HNF1B: variants seen among roughly 807,000 people sequenced by gnomAD.
The protein encoded by HNF1B is HNF1 homeobox B.
HNF1B carries 8 observed loss-of-function variants against 61.7 expected under a neutral mutation model. The observed-to-expected ratio is 0.13, with a 90% CI of 0.08 to 0.23. The LOEUF (loss-of-function observed/expected upper bound fraction) is 0.23, where lower values mean the gene tolerates loss of function less well. HNF1B is among the 10% of genes least tolerant of loss of function. HNF1B has a pLI of 1.00. For synonymous variants in HNF1B, 314 were observed against 287.7 expected, an observed-to-expected ratio of 1.09 and a Z score of -0.93; for missense variants, 562 against 714.5, an observed-to-expected ratio of 0.79 and a Z score of 2.43.
intron 4 of HNF1B, among the ~76,000 whole-genome samples, chr17:37,727,622 G>A (rs937168194): frequency 2.6e-5 from 4 of 152,164 alleles, no homozygotes; most frequent in Non-Finnish European, 5.9e-5. Flanking sequence ...GTGTTTGTAG[G>A]GCATCTTGTA....
chr17:37,702,473 G>A (rs1428977979), intron 6 of HNF1B, among the ~76,000 whole-genome samples: 1 of 152,086 alleles, frequency 6.6e-6, no homozygotes, highest in Non-Finnish European at 1.5e-5. Context: ...GTTCCCCAGG[G>A]GGCTCAGCGT....
At chr17:37,719,091 A>T (rs1646937626) in intron 4 of HNF1B, among the ~76,000 whole-genome samples, 1 of 150,164 alleles carries the variant, frequency 6.7e-6, no homozygotes, top group Non-Finnish European at 1.5e-5. Context: ...GGCACATGCC[A>T]CCATGCCTGG....
chr17:37,741,411 C>T (rs1004695541), intron 1 of HNF1B, among the ~76,000 whole-genome samples: 2 of 151,992 alleles, frequency 1.3e-5, no homozygotes, highest in Non-Finnish European at 2.9e-5. Context: ...CAAGTATTTA[C>T]AAAGGTAATT....
intron 8 of HNF1B, among the ~76,000 whole-genome samples, chr17:37,698,807 C>T (rs557326636): frequency 7.9e-5 from 12 of 152,226 alleles, no homozygotes; most frequent in African/African-American, 2.6e-4. Context: ...AATGCCTAAG[C>T]GCTCTATGTC....
chr17:37,733,065 C>G (rs2033735929), intron 3 of HNF1B, among the ~76,000 whole-genome samples: 1 of 152,174 alleles, frequency 6.6e-6, no homozygotes, highest in South Asian at 2.1e-4. Flanking sequence ...ACTCTCCTGC[C>G]AAGTTTCCTT....
intron 7 of HNF1B, among the ~76,000 whole-genome samples, chr17:37,700,733 C>T (rs984031949): frequency 6.6e-6 from 1 of 152,072 alleles, no homozygotes; most frequent in Non-Finnish European, 1.5e-5. Flanking sequence ...CTCCAATTCC[C>T]CTTCATCTGT....
At position 37,743,261 on chromosome 17, in the gene HNF1B, G is replaced by C. The variant is rs746793815; in HGVS notation, c.344+1280C>G. On this transcript the variant is annotated intron_variant, in intron 1 of 8. Transcript: ENST00000617811. Reference sequence around the variant, plus strand: ...CCCCGGCAGCCCTGGCGCCCCAGCCGCTCCTAGGGGCCACTCTCTCGACCC... The same window carrying C: ...CCCCGGCAGCCCTGGCGCCCCAGCCCCTCCTAGGGGCCACTCTCTCGACCC... Among the ~76,000 whole-genome samples, 35 of 152,288 alleles carry C rather than the reference G, an allele frequency of 2.3e-4. No individual in the cohort carries two copies. The Middle Eastern group carries it at 0.014, about 60-fold the overall frequency.
chr17:37,744,902 A>ATTTT lies in HNF1B; in HGVS notation c.-19_-18insAAAA. On this transcript the variant is annotated 5_prime_UTR_variant, in exon 1 of 9. Coordinates refer to ENST00000617811, the MANE Select transcript of HNF1B (RefSeq NM_000458.4). ...GACACCATTTTCCAAGGACGGAAAA[A>ATTTT]GAAGGGGGTGAGGGGGTGGGTGGGT... The ATTTT allele has an allele frequency of 1.5e-6, 1 of 652,554 alleles. No homozygotes were observed. The allele number at this position is 652,554 out of a possible 1,614,324, so 40.4% of individuals were successfully genotyped here.
intron 1 of HNF1B, among the ~76,000 whole-genome samples, chr17:37,741,561 C>G (rs1243035371): frequency 3.3e-5 from 5 of 152,164 alleles, no homozygotes; most frequent in Non-Finnish European, 7.3e-5. Flanking sequence ...CATCACAGAT[C>G]ATTTAAAAGT....
chr17:37,692,507 C>A (rs564960977), intron 8 of HNF1B, among the ~76,000 whole-genome samples: 2 of 152,314 alleles, frequency 1.3e-5, no homozygotes, highest in Admixed American at 6.5e-5. Flanking sequence ...AACGACCTTG[C>A]AGAATGGGTA....
chr17:37,703,660 A>C (rs2032643570), intron 6 of HNF1B, among the ~76,000 whole-genome samples: 1 of 152,212 alleles, frequency 6.6e-6, no homozygotes, highest in Non-Finnish European at 1.5e-5. Flanking sequence ...CAATACATTT[A>C]AAATGATCAT....
rs377555356 is a variant in HNF1B, at chr17:37,733,708, C to T, written c.658G>A (p.Asp220Asn). The stretch of plus-strand genomic sequence containing the variant: ...TTGGTGGGCTCAGAGCAGGCATCAT[C>T]GGACTGCCCAGGCCCATGGCTCTGT... ...SQQSHGPGQS[D>N]DACSEPTNKK... Residue 220 changes from aspartate to asparagine, a missense_variant, in exon 3 of 9, where the codon GAT becomes AAT. Physicochemically the swap from Asp to Asn is conservative, Grantham distance 23. Around this residue, in one of 6 missense-constraint regions of HNF1B, gnomAD observed 69 missense variants for 81.2 expected, o/e 0.85. Transcript: ENST00000617811. 41 of 1,614,190 alleles carry T rather than the reference C, an allele frequency of 2.5e-5. No individual in the cohort carries two copies. The highest frequency in any genetic ancestry group is 1.2e-4 in the South Asian group (11 of 91,072).
rs140190377 is a variant in HNF1B at position 37,711,551 on chromosome 17, A to G, written c.1046-888T>C. Among the ~76,000 whole-genome samples the G allele has an allele frequency of 8.5e-5, 13 of 152,352 alleles. No individual in the cohort carries two copies. The East Asian group carries it at 2.5e-3, about 29-fold the overall frequency. The stretch of plus-strand genomic sequence containing the variant: ...AAAAGTTCTGGACAGAGATCAGGCA[A>G]CTGAAGGAAGCTAAAAGAACGCCTG... On this transcript the variant is annotated intron_variant, in intron 4 of 8. Transcript: ENST00000617811.
At chr17:37,736,330 C>T (rs1044128101) in intron 2 of HNF1B, among the ~76,000 whole-genome samples, 2 of 152,238 alleles carry the variant, frequency 1.3e-5, no homozygotes, top group African/African-American at 4.8e-5. Context: ...GACACAATAA[C>T]GGTTCACATT....
intron 5 of HNF1B, among the ~76,000 whole-genome samples, chr17:37,706,280 T>C (rs2032745299): frequency 6.6e-6 from 1 of 152,114 alleles, no homozygotes; most frequent in Non-Finnish European, 1.5e-5. Flanking sequence ...TTTAAAGTTA[T>C]TATGAAGAAA....
intron 8 of HNF1B, among the ~76,000 whole-genome samples, chr17:37,693,559 A>G (rs2032279621): frequency 6.6e-6 from 1 of 152,226 alleles, no homozygotes; most frequent in Admixed American, 6.5e-5. Flanking sequence ...GGTTCAGTGC[A>G]CACATCAGCA....
At chr17:37,690,500 G>A (rs1206043730) in intron 8 of HNF1B, among the ~76,000 whole-genome samples, 2 of 152,198 alleles carry the variant, frequency 1.3e-5, no homozygotes, top group Non-Finnish European at 2.9e-5. Flanking sequence ...GACAGGCAAG[G>A]GCCACCTAAG....
At chr17:37,731,935 G>A (rs1422826606) in intron 3 of HNF1B, 105 bp from the exon 4 acceptor site, 2 of 753,576 alleles carry the variant, frequency 2.7e-6, no homozygotes, top group Admixed American at 4.1e-5. Context: ...GGAGTATGAA[G>A]GGGCCGTGGG....
At position 37,705,409 on chromosome 17, in the gene HNF1B, C is replaced by T. The variant is rs2032712711; in HGVS notation, c.1207-360G>A. 3.3e-5 allele frequency among the ~76,000 whole-genome samples: 5 copies of T among 152,346 alleles called. No homozygotes were observed. In the South Asian group the frequency reaches 1.0e-3, roughly 32 times the overall value. On this transcript the variant is annotated intron_variant, in intron 5 of 8. Transcript: ENST00000617811. ...TAAAACAGACAGTGATCCCTGCCCT[C>T]ATGGTGCATCTATTGTTGACTGTCT... is the stretch of plus-strand genomic sequence containing the variant.
Sources: allele counts gnomAD v4.1 joint callset (sites outside exome capture counted in the v4.1 genomes callset), GRCh38; gene constraint gnomAD v4.1.1; regional missense constraint gnomAD v4.1.1; transcripts MANE v1.5; gene names NCBI Gene and HGNC (gene_info 2026-07-23, HGNC 2026-07-21).